POR: variants seen among roughly 807,000 people sequenced by gnomAD.
POR encodes cytochrome p450 oxidoreductase.
A neutral mutation model predicts 84.0 loss-of-function variants in POR; 56 were observed. That is an observed-to-expected ratio of 0.67 (90% CI 0.54 to 0.83). The LOEUF is 0.83. Ranked by LOEUF, POR falls within the 40% of genes least tolerant of loss-of-function variation. The probability of loss-of-function intolerance (pLI) is 0.00; values close to 1 mark genes in which losing one functional copy is unlikely to be tolerated. For synonymous variants in POR, 414 were observed against 400.5 expected (o/e 1.03, Z -0.40); for missense variants, 938 against 944.3 (o/e 0.99, Z 0.09).
chr7:75,933,376 GTTTTTTTTTTTTTTTTT>G (rs200575911), intron 1 of POR, among the ~76,000 whole-genome samples: 12 of 92,112 alleles, frequency 1.3e-4, no homozygotes, highest in Admixed American at 2.4e-4. Flanking sequence ...ATAGGTCTTT[GTTTTTTTTTTTTTTTTT>G]TTTTTTTTTT....
In POR at chr7:75,985,958, T is replaced by G; in HGVS notation, c.1705T>G (p.Cys569Gly). The G allele has an allele frequency of 6.3e-7, 1 of 1,588,722 alleles. No individual in the cohort carries two copies. The highest frequency in any genetic ancestry group is 8.6e-7 in the Non-Finnish European group (1 of 1,169,148). The change falls in exon 14 of 16, where the codon TGC becomes GGC. Residue 569 changes from cysteine (C) to glycine (G), a missense_variant. Transcript: ENST00000461988. The stretch of plus-strand genomic sequence containing the variant: ...GGGGGAGACGCTGCTGTACTACGGC[T>G]GCCGCCGCTCGGATGAGGACTACCT...
rs574688727 is a variant in POR at position 75,986,431 on chromosome 7, A to G, written c.1993A>G (p.Ile665Val). The G allele has an allele frequency of 2.1e-5, 34 of 1,612,408 alleles. No homozygotes were observed. The South Asian group carries it at 3.3e-4, about 16-fold the overall frequency. ...GGAGCACGCGCAGGCGGTGGACTAC[A>G]TCAAGAAACTGATGACCAAGGGCCG... Residue 665 changes from isoleucine (I) to valine (V), a missense_variant, in exon 16 of 16, where the codon ATC becomes GTC. Physicochemically the swap from Ile to Val is conservative, Grantham distance 29. Coordinates refer to ENST00000461988, the MANE Select transcript of POR (RefSeq NM_000941.3).
chr7:75,946,364 G>GCAACCT, intron 1 of POR, among the ~76,000 whole-genome samples: 1 of 151,988 alleles, frequency 6.6e-6, no homozygotes, highest in South Asian at 2.1e-4. Flanking sequence ...ATGGCTCACC[G>GCAACCT]CAACCTCAAC....
intron 1 of POR, among the ~76,000 whole-genome samples, chr7:75,927,914 TGCCC>T (rs2116250255): frequency 6.6e-6 from 1 of 151,260 alleles, no homozygotes; most frequent in East Asian, 1.9e-4. Flanking sequence ...CAAGTGATCT[TGCCC>T]TCCTCGGCCT....
intron 10 of POR, 21 bp from the exon 11 acceptor site, chr7:75,984,756 C>A (rs782176155): frequency 8.7e-6 from 14 of 1,610,842 alleles, no homozygotes; most frequent in Middle Eastern, 1.6e-4. Context: ...ACCCCAAGTC[C>A]TGCCTGTCTC....
intron 1 of POR, among the ~76,000 whole-genome samples, chr7:75,932,559 C>CT (rs759473173): frequency 1.2e-4 from 18 of 150,844 alleles, no homozygotes; most frequent in Non-Finnish European, 2.2e-4. Flanking sequence ...TTTTTCATGA[C>CT]TTTTTTAAAA....
chr7:75,961,702 A>G (rs1554554549), intron 2 of POR, among the ~76,000 whole-genome samples: 2 of 152,154 alleles, frequency 1.3e-5, no homozygotes, highest in Non-Finnish European at 2.9e-5. Flanking sequence ...TTCATCAGGA[A>G]ATGTTTCAGT....
rs782775039 is a variant in POR at position 75,984,962 on chromosome 7, CGCCCCCTCA to C, written c.1248+11_1248+19del. ...CTCCTCCTCCGGCGAGGGCAAGGTG[CGCCCCCTCA>C]GCCCCCGCAACCTCCGCCCCGTCAC... On this transcript the variant is annotated splice_donor_5th_base_variant and intron_variant, in intron 11 of 15. Transcript: ENST00000461988. The C allele has an allele frequency of 2.5e-4, 403 of 1,583,564 alleles. 5 individuals are homozygous for C. The East Asian group carries it at 6.2e-3, about 24-fold the overall frequency.
At position 75,935,490 on chromosome 7, in the gene POR, C is replaced by G. The variant is rs373603297; in HGVS notation, c.-4-18499C>G. 3.3e-5 allele frequency among the ~76,000 whole-genome samples: 5 copies of G among 152,074 alleles called. 1 individual carries two copies. The highest frequency in any genetic ancestry group is 1.2e-4 in the African/African-American group (5 of 41,516). On this transcript the variant is annotated intron_variant, in intron 1 of 15. Coordinates refer to ENST00000461988, the MANE Select transcript of POR (RefSeq NM_000941.3). ...TCGAATCCTGACCTCAGGTGATCTG[C>G]CCCCGTCGGCCTCCCAAAGTGCTGG...
chr7:75,946,146 G>A (rs1554552109), intron 1 of POR, among the ~76,000 whole-genome samples: 2 of 150,802 alleles, frequency 1.3e-5, no homozygotes, highest in Non-Finnish European at 2.9e-5. Context: ...AGCTATACAT[G>A]CATAGTTTTT....
intron 2 of POR, among the ~76,000 whole-genome samples, chr7:75,967,287 G>A (rs1443688883): frequency 5.9e-5 from 9 of 152,082 alleles, no homozygotes; most frequent in African/African-American, 7.2e-5. Flanking sequence ...TTGGGCTTTC[G>A]GATGGGCTGT....
intron 2 of POR, among the ~76,000 whole-genome samples, chr7:75,968,827 G>A (rs1342412787): frequency 6.6e-6 from 1 of 152,194 alleles, no homozygotes; most frequent in Non-Finnish European, 1.5e-5. Flanking sequence ...TCCACTCCCA[G>A]GGCCAGCCAG....
At position 75,933,376 on chromosome 7, in the gene POR, G is replaced by GTTTTTTTT. The variant is rs200575911; in HGVS notation, c.-5+18220_-5+18227dup. On this transcript the variant is annotated intron_variant, in intron 1 of 15. Coordinates refer to ENST00000461988, the MANE Select transcript of POR (RefSeq NM_000941.3). ...TCACCATGTTATACAATAGGTCTTT[G>GTTTTTTTT]TTTTTTTTTTTTTTTTTTTTTTTTT... Among the ~76,000 whole-genome samples, 93 of 92,112 alleles carry GTTTTTTTT rather than the reference G, an allele frequency of 1.0e-3. 6 individuals carry two copies. The highest frequency in any genetic ancestry group is 1.6e-3 in the Non-Finnish European group (65 of 40,460). 60.4% of individuals were successfully genotyped at this position (92,112 alleles called of 152,430 possible).
intron 2 of POR, chr7:75,968,285 A>G (rs553996602): frequency 9.2e-5 from 43 of 468,222 alleles, no homozygotes; most frequent in Middle Eastern, 6.9e-4. Flanking sequence ...AAGGTCAGCC[A>G]TTCCCAGGGT....
At chr7:75,981,819 AG>A in intron 7 of POR, 1 of 591,128 alleles carries the variant, frequency 1.7e-6, no homozygotes, top group African/African-American at 1.9e-5. Context: ...CCTCTCGACA[AG>A]GACACATCGC....
intron 2 of POR, among the ~76,000 whole-genome samples, chr7:75,959,019 C>G (rs1203672361): frequency 6.6e-6 from 1 of 152,126 alleles, no homozygotes; most frequent in Non-Finnish European, 1.5e-5. Context: ...CATGTTGACG[C>G]TCAAAAAGTT....
intron 1 of POR, among the ~76,000 whole-genome samples, chr7:75,928,808 G>A (rs184981515): frequency 6.6e-6 from 1 of 152,176 alleles, no homozygotes; most frequent in Non-Finnish European, 1.5e-5. Context: ...CTAACAGGAA[G>A]CCCCAGTGGG....
chr7:75,982,439 C>T (rs963006884), intron 8 of POR, 117 bp downstream of exon 8: 2 of 830,644 alleles, frequency 2.4e-6, no homozygotes, highest in Non-Finnish European at 3.9e-6. Flanking sequence ...GACCCCGTGC[C>T]CCGAGTGGGT....
In POR at chr7:75,980,344, C is replaced by A. The variant is rs375424326; in HGVS notation, c.372C>A (p.Asp124Glu). 1.2e-6 allele frequency: 2 copies of A among 1,612,598 alleles called. No individual in the cohort carries two copies. Among genetic ancestry groups the A allele is most frequent in the Admixed American group, 1.7e-5 (1 of 60,020 alleles). The change falls in exon 5 of 16, where the codon GAC becomes GAA. Residue 124 changes from aspartate to glutamate, a missense_variant. Coordinates refer to ENST00000461988, the MANE Select transcript of POR (RefSeq NM_000941.3). ...TCCTGTCCCTGTTTCTGCAGGCCGACCTGAGCAGCCTGCCAGAGATCGACA... is the reference window on the plus strand; with the variant it reads ...TCCTGTCCCTGTTTCTGCAGGCCGAACTGAGCAGCCTGCCAGAGATCGACA...
Sources: gnomAD v4.1 joint callset for allele counts (sites outside exome capture counted in the v4.1 genomes callset) on GRCh38, gnomAD v4.1.1 for gene constraint, MANE v1.5 for transcripts, NCBI Gene and HGNC (gene_info 2026-07-23, HGNC 2026-07-21) for gene names.